The following ADAMTSL1 variants were observed in gnomAD, a reference collection of about 807,000 sequenced individuals.
ADAMTSL1 encodes ADAMTS-like protein 1.
ADAMTSL1 carries 126 observed loss-of-function variants against 201.8 expected under a neutral mutation model. The observed-to-expected ratio is 0.62, with a 90% CI of 0.54 to 0.72. The LOEUF (loss-of-function observed/expected upper bound fraction) is 0.72. ADAMTSL1 is among the 30% of genes least tolerant of loss of function. ADAMTSL1 has a pLI of 0.00. For synonymous variants in ADAMTSL1, 1,121 were observed against 903.4 expected, an observed-to-expected ratio of 1.24 and a Z score of -4.32; for missense variants, 2,679 against 2,277.8, an observed-to-expected ratio of 1.18 and a Z score of -3.59.
intron 14 of ADAMTSL1, among the ~76,000 whole-genome samples, chr9:18,717,313 T>G (rs932155843): frequency 6.6e-6 from 1 of 151,150 alleles, no homozygotes; most frequent in South Asian, 2.1e-4. Flanking sequence ...ATTTGAAAAG[T>G]CTGCCCATTT....
chr9:18,474,701 C>T (rs1309150625), intron 1 of ADAMTSL1, among the ~76,000 whole-genome samples: 1 of 152,074 alleles, frequency 6.6e-6, no homozygotes, highest in South Asian at 2.1e-4. Flanking sequence ...CAGAGCTTGC[C>T]CGTACCGCCT....
At chr9:18,655,992 A>G (rs1159183630) in intron 7 of ADAMTSL1, among the ~76,000 whole-genome samples, 1 of 152,032 alleles carries the variant, frequency 6.6e-6, no homozygotes, top group Non-Finnish European at 1.5e-5. Context: ...CTTTTAAAGT[A>G]GGGAATGGTA....
At chr9:18,418,347 A>G (rs1818783264) in intron 2 of ADAMTSL1, among the ~76,000 whole-genome samples, 1 of 152,182 alleles carries the variant, frequency 6.6e-6, no homozygotes, top group Admixed American at 6.5e-5. Flanking sequence ...TCAACATTGT[A>G]CTGGGAGTCC....
intron 1 of ADAMTSL1, among the ~76,000 whole-genome samples, chr9:17,960,470 T>A (rs1337916110): frequency 6.6e-6 from 1 of 152,170 alleles, no homozygotes; most frequent in Non-Finnish European, 1.5e-5. Context: ...AAAGTCATAA[T>A]GCCTTAGAGA....
chr9:18,773,655 C>A (rs1820821469), intron 17 of ADAMTSL1, among the ~76,000 whole-genome samples: 1 of 152,196 alleles, frequency 6.6e-6, no homozygotes, highest in South Asian at 2.1e-4. Context: ...AGTTATGGAA[C>A]ACAGTTTTAA....
At chr9:18,608,940 A>G (rs1431421762) in intron 4 of ADAMTSL1, among the ~76,000 whole-genome samples, 1 of 152,180 alleles carries the variant, frequency 6.6e-6, no homozygotes, top group Non-Finnish European at 1.5e-5. Context: ...AAATAAATAA[A>G]TTTTGAATAT....
intron 2 of ADAMTSL1, among the ~76,000 whole-genome samples, chr9:18,320,907 A>G (rs1834590346): frequency 6.6e-6 from 1 of 152,140 alleles, no homozygotes. Context: ...AAAGAAGGCA[A>G]GAATAGGAGG....
intron 23 of ADAMTSL1, among the ~76,000 whole-genome samples, chr9:18,853,889 CTG>C (rs71333070): frequency 0.017 from 2,058 of 120,358 alleles, 47 homozygotes; most frequent in South Asian, 0.12. Context: ...TATTCACTCT[CTG>C]TGTGTGTGTG....
At chr9:18,391,465 A>G (rs1455056279) in intron 2 of ADAMTSL1, among the ~76,000 whole-genome samples, 1 of 152,072 alleles carries the variant, frequency 6.6e-6, no homozygotes, top group East Asian at 1.9e-4. Context: ...TTTTTTTTAG[A>G]GACAAGGTCT....
rs540925919 is a variant in ADAMTSL1, at chr9:18,651,010, A to C, written c.835-6629A>C. ...ACTTTCCATCTTTTTGAAACACTTA[A>C]ACTTTCAGTCAAACCAATCACTATA... On this transcript the variant is annotated intron_variant, in intron 7 of 28. Coordinates refer to ENST00000380548, the MANE Select transcript of ADAMTSL1 (RefSeq NM_001040272.6). 1.2e-4 allele frequency: 18 copies of C among 152,336 alleles called. No individual in the cohort carries two copies. In the East Asian group the frequency reaches 3.5e-3, roughly 29 times the overall value. The allele number at this position is 152,336 out of a possible 1,614,324, so 9.4% of individuals were successfully genotyped here. A position where few individuals can be genotyped will look rare whatever the true frequency, so the allele number is the denominator to read the frequency against.
chr9:18,091,405 A>G (rs924052735), intron 1 of ADAMTSL1, among the ~76,000 whole-genome samples: 3 of 152,194 alleles, frequency 2.0e-5, no homozygotes, highest in African/African-American at 4.8e-5. Context: ...TAATAAACCT[A>G]TATAGAGTCT....
chr9:18,680,774 G>A, intron 11 of ADAMTSL1: 1 of 470,750 alleles, frequency 2.1e-6, no homozygotes, highest in Non-Finnish European at 3.9e-6. Context: ...AAATAGCACG[G>A]GGAAGCAACT....
chr9:18,841,624 T>C (rs1356220515), intron 23 of ADAMTSL1, among the ~76,000 whole-genome samples: 6 of 152,122 alleles, frequency 3.9e-5, no homozygotes, highest in Admixed American at 1.3e-4. Flanking sequence ...ACCAGTTCCT[T>C]CTTGTACCTC....
intron 23 of ADAMTSL1, among the ~76,000 whole-genome samples, chr9:18,867,500 G>C (rs1563872564): frequency 6.6e-6 from 1 of 152,038 alleles, no homozygotes; most frequent in Non-Finnish European, 1.5e-5. Context: ...TAAACCTGAT[G>C]GTATATAAGA....
intron 2 of ADAMTSL1, among the ~76,000 whole-genome samples, chr9:18,422,468 A>AT (rs11299018): frequency 1.3e-5 from 2 of 151,568 alleles, no homozygotes; most frequent in Non-Finnish European, 2.9e-5. Context: ...TTTGTCATGC[A>AT]TTTTTTTTGA....
chr9:18,421,283 C>G (rs892416826), intron 2 of ADAMTSL1, among the ~76,000 whole-genome samples: 1 of 152,180 alleles, frequency 6.6e-6, no homozygotes, highest in Non-Finnish European at 1.5e-5. Context: ...TTGAGTAACT[C>G]TGCAATACCT....
chr9:18,639,185 A>C lies in ADAMTSL1; in HGVS notation c.677-69A>C, dbSNP rs1827287526. 2.4e-5 allele frequency: 36 copies of C among 1,485,228 alleles called. 1 individual carries two copies. The South Asian group carries it at 3.8e-4, about 16-fold the overall frequency. The allele number at this position is 1,485,228 out of a possible 1,614,324, so 92.0% of individuals were successfully genotyped here. ...CTTACCTAGCTCTAAACATTGTTGC[A>C]TGAAATGTGCTTGCCTGTGGTTGCC... On this transcript the variant is annotated intron_variant, in intron 6 of 28. Coordinates refer to ENST00000380548, the MANE Select transcript of ADAMTSL1 (RefSeq NM_001040272.6).
chr9:18,874,363 C>G (rs1045951843), intron 23 of ADAMTSL1, among the ~76,000 whole-genome samples: 2 of 152,088 alleles, frequency 1.3e-5, no homozygotes, highest in Non-Finnish European at 2.9e-5. Context: ...AGTGGGCATT[C>G]TTGTCTTGTT....
intron 4 of ADAMTSL1, among the ~76,000 whole-genome samples, chr9:18,594,680 C>G (rs9919038): frequency 0.079 from 12,051 of 152,146 alleles, 493 homozygotes; most frequent in East Asian, 0.1. Context: ...TTTAATTTCT[C>G]TATTTAATTT....
Sources: gnomAD v4.1 joint callset for allele counts (sites outside exome capture counted in the v4.1 genomes callset) on GRCh38, gnomAD v4.1.1 for gene constraint, MANE v1.5 for transcripts, NCBI Gene and HGNC (gene_info 2026-07-23, HGNC 2026-07-21) for gene names.